Variants in ZFP91 observed in about 807,000 individuals in gnomAD.
The protein encoded by ZFP91 is E3 ubiquitin-protein ligase ZFP91.
Under a neutral mutation model 63.5 loss-of-function variants are expected in ZFP91, and 7 were observed. That is an observed-to-expected ratio of 0.11 (90% CI 0.06 to 0.21). The LOEUF is 0.21. Among genes scored for constraint, ZFP91 ranks in the 10% least tolerant of loss-of-function variants. The pLI is 1.00. For missense variants in ZFP91, 628 were observed against 736.6 expected, an observed-to-expected ratio of 0.85 and a Z score of 1.71; for synonymous variants, 330 against 272.1, an observed-to-expected ratio of 1.21 and a Z score of -2.10.
At position 58,610,004 on chromosome 11, in the gene ZFP91, G is replaced by T. The variant is rs143855831; in HGVS notation, c.545G>T (p.Cys182Phe). 62 of 1,614,066 alleles carry T rather than the reference G, an allele frequency of 3.8e-5. No individual in the cohort carries two copies. Among genetic ancestry groups the T allele is most frequent in the Non-Finnish European group, 5.2e-5 (61 of 1,180,036 alleles). Residue 182 changes from cysteine (C) to phenylalanine (F), a missense_variant, in exon 3 of 11, where the codon TGC becomes TTC. Transcript: ENST00000316059. ...AAGACCGGTTCATTGCAGCTCATTTGCAAGTCAGAACCAAATACAGACCAA... is the reference window on the plus strand; with the variant it reads ...AAGACCGGTTCATTGCAGCTCATTTTCAAGTCAGAACCAAATACAGACCAA... ...RSKTGSLQLI[C>F]KSEPNTDQLD...
chr11:58,609,750 G>T, intron 2 of ZFP91, 80 bp from the exon 3 acceptor site: 1 of 1,184,686 alleles, frequency 8.4e-7, no homozygotes, highest in Non-Finnish European at 1.2e-6. Flanking sequence ...ATCTTCAACT[G>T]TATTTACAAT....
At chr11:58,589,795 A>G (rs1855274046) in intron 2 of ZFP91, among the ~76,000 whole-genome samples, 1 of 151,976 alleles carries the variant, frequency 6.6e-6, no homozygotes, top group African/African-American at 2.4e-5. Context: ...AGACATCCAA[A>G]CCTCCTTTGG....
intron 2 of ZFP91, among the ~76,000 whole-genome samples, chr11:58,597,187 A>G (rs1190018381): frequency 6.6e-6 from 1 of 152,150 alleles, no homozygotes; most frequent in Non-Finnish European, 1.5e-5. Flanking sequence ...GTACCACCAA[A>G]AGATTGTTAG....
intron 2 of ZFP91, among the ~76,000 whole-genome samples, chr11:58,588,575 C>T (rs1855250366): frequency 6.6e-6 from 1 of 151,980 alleles, no homozygotes; most frequent in Non-Finnish European, 1.5e-5. Flanking sequence ...TTTTATTTTT[C>T]ATGTATTGAA....
chr11:58,596,326 T>C (rs1855403524), intron 2 of ZFP91, among the ~76,000 whole-genome samples: 1 of 152,324 alleles, frequency 6.6e-6, no homozygotes, highest in South Asian at 2.1e-4. Flanking sequence ...CAGGAACATT[T>C]GGCGTAGCTT....
chr11:58,610,900 GAC>G, intron 4 of ZFP91, 48 bp from the exon 5 acceptor site: 1 of 1,556,940 alleles, frequency 6.4e-7, no homozygotes, highest in Non-Finnish European at 8.8e-7. Flanking sequence ...AATCCCCTCA[GAC>G]ATGTTCGCTA....
rs1253023905 is a variant in ZFP91, at chr11:58,604,577, A to G, written c.371-5253A>G. On this transcript the variant is annotated intron_variant, in intron 2 of 10. Coordinates refer to ENST00000316059, the MANE Select transcript of ZFP91 (RefSeq NM_053023.5). ...CAGCTCTCTCTTGCTTACTATTCGC[A>G]TGTAATATCTTAATCCATTCTTTTA... Among the ~76,000 whole-genome samples, 4 of 152,222 alleles carry G rather than the reference A, an allele frequency of 2.6e-5. No homozygotes were observed. The East Asian group carries it at 5.8e-4, about 22-fold the overall frequency.
chr11:58,587,356 T>C (rs541732457), intron 2 of ZFP91, among the ~76,000 whole-genome samples: 14 of 152,276 alleles, frequency 9.2e-5, no homozygotes, highest in Admixed American at 2.6e-4. Flanking sequence ...AGTGTAATAA[T>C]GTTTGATGAA....
At chr11:58,607,405 C>T (rs796787887) in intron 2 of ZFP91, among the ~76,000 whole-genome samples, 5 of 152,114 alleles carry the variant, frequency 3.3e-5, no homozygotes, top group Non-Finnish European at 4.4e-5. Context: ...ATGGGTAAAA[C>T]GTAATGGATT....
chr11:58,584,790 G>T, intron 1 of ZFP91, 66 bp from the exon 2 acceptor site: 1 of 1,388,792 alleles, frequency 7.2e-7, no homozygotes, highest in South Asian at 1.4e-5. Context: ...GAACCTGAAA[G>T]AGATATTTAT....
chr11:58,584,173 T>C (rs1416392438), intron 1 of ZFP91, among the ~76,000 whole-genome samples: 2 of 152,134 alleles, frequency 1.3e-5, no homozygotes, highest in Non-Finnish European at 2.9e-5. Flanking sequence ...GCTTTTTAAT[T>C]TGTAAAGGGC....
At chr11:58,609,337 G>A (rs113359019) in intron 2 of ZFP91, among the ~76,000 whole-genome samples, 3,083 of 152,268 alleles carry the variant, frequency 0.02, 92 homozygotes, top group African/African-American at 0.07. Flanking sequence ...CAAATTTATG[G>A]TGTGGTTCCA....
intron 2 of ZFP91, among the ~76,000 whole-genome samples, chr11:58,590,874 C>T (rs568061749): frequency 5.7e-4 from 86 of 150,508 alleles, no homozygotes; most frequent in Middle Eastern, 3.5e-3. Flanking sequence ...ATTATTTAAC[C>T]GTTACCTAAC....
In ZFP91 at chr11:58,610,946, T is replaced by C; in HGVS notation, c.618-4T>C. On this transcript the variant is annotated splice_polypyrimidine_tract_variant and splice_region_variant and intron_variant, in intron 4 of 10. Transcript: ENST00000316059. ...ATGTCTCATTTCTATTTACTTATTT[T>C]TAGTAGTGAAGAGGAAGAGGAGGAG... 2 of 1,609,680 alleles carry C rather than the reference T, an allele frequency of 1.2e-6. No homozygotes were observed. The highest frequency in any genetic ancestry group is 1.7e-6 in the Non-Finnish European group (2 of 1,178,506).
chr11:58,612,190 C>CGTGTGT, intron 6 of ZFP91, 88 bp from the exon 7 acceptor site: 2 of 1,193,550 alleles, frequency 1.7e-6, no homozygotes, highest in South Asian at 1.4e-5. Flanking sequence ...GTTCTTTGGC[C>CGTGTGT]GTGTGTGTGT....
intron 2 of ZFP91, among the ~76,000 whole-genome samples, chr11:58,586,236 G>T (rs912996739): frequency 1.7e-4 from 26 of 152,272 alleles, no homozygotes; most frequent in African/African-American, 6.3e-4. Flanking sequence ...ATTACCTTAC[G>T]TGTCCAAAGA....
At chr11:58,586,545 G>A (rs1460946702) in intron 2 of ZFP91, among the ~76,000 whole-genome samples, 1 of 152,126 alleles carries the variant, frequency 6.6e-6, no homozygotes, top group African/African-American at 2.4e-5. Context: ...ACTGTTTAAA[G>A]GCCCTGGATC....
chr11:58,613,415 C>T (rs1468255230), intron 8 of ZFP91, among the ~76,000 whole-genome samples: 1 of 152,138 alleles, frequency 6.6e-6, no homozygotes, highest in East Asian at 1.9e-4. Flanking sequence ...CCAACACTAT[C>T]ACATTGGGGA....
In ZFP91 at chr11:58,620,450, CTG is replaced by C. The variant is rs1162374362; in HGVS notation, c.*2746_*2747del. 1 of 152,642 alleles carries C rather than the reference CTG, an allele frequency of 6.6e-6. No individual in the cohort carries two copies. Among genetic ancestry groups the C allele is most frequent in the South Asian group, 2.1e-4 (1 of 4,812 alleles). 9.5% of individuals were successfully genotyped at this position (152,642 alleles called of 1,614,324 possible). On this transcript the variant is annotated 3_prime_UTR_variant, in exon 11 of 11. Coordinates refer to ENST00000316059, the MANE Select transcript of ZFP91 (RefSeq NM_053023.5). ...GAATTGGTGGTTCTAAATTCTGAAACTGTAGTTGAGATACAGCTATTTAATAT... is the reference window on the plus strand; with the variant it reads ...GAATTGGTGGTTCTAAATTCTGAAACTAGTTGAGATACAGCTATTTAATAT...
Sources: allele counts gnomAD v4.1 joint callset (sites outside exome capture counted in the v4.1 genomes callset), GRCh38; gene constraint gnomAD v4.1.1; transcripts MANE v1.5; gene names NCBI Gene and HGNC (gene_info 2026-07-23, HGNC 2026-07-21).